ATRN: variants seen among roughly 807,000 people sequenced by gnomAD.
The protein encoded by ATRN is attractin-2.
ATRN carries 54 observed loss-of-function variants against 178.7 expected under a neutral mutation model. The ratio of observed to expected loss-of-function variants is 0.30; its 90% CI spans 0.24 to 0.38. The LOEUF is 0.38. Among genes scored for constraint, ATRN ranks in the 10% least tolerant of loss-of-function variants. The pLI is 1.00. For synonymous variants in ATRN, 636 were observed against 663.0 expected, an observed-to-expected ratio of 0.96 and a Z score of 0.63; for missense variants, 1,443 against 1,815.1, an observed-to-expected ratio of 0.79 and a Z score of 3.73.
chr20:3,479,231 T>G (rs576754700), intron 1 of ATRN, among the ~76,000 whole-genome samples: 119 of 152,288 alleles, frequency 7.8e-4, no homozygotes, highest in African/African-American at 2.7e-3. Flanking sequence ...GCTAATTCAC[T>G]TCATAAATAT....
chr20:3,494,060 C>G (rs1221646741), intron 1 of ATRN, among the ~76,000 whole-genome samples: 1 of 152,124 alleles, frequency 6.6e-6, no homozygotes, highest in Non-Finnish European at 1.5e-5. Context: ...GATAAGTTTA[C>G]CACGGAGAAG....
intron 1 of ATRN, among the ~76,000 whole-genome samples, chr20:3,528,925 AC>A (rs1190560070): frequency 2.6e-5 from 4 of 151,702 alleles, no homozygotes. Flanking sequence ...CAATCCTTCT[AC>A]CTTAACCTCC....
At chr20:3,572,697 C>T (rs373401838) in intron 11 of ATRN, 34 bp from the exon 12 acceptor site, 79 of 1,551,246 alleles carry the variant, frequency 5.1e-5, no homozygotes, top group Non-Finnish European at 6.8e-5. Context: ...ATCTGAGTCT[C>T]TAGTAAATTT....
At position 3,572,785 on chromosome 20, in the gene ATRN, A is replaced by G; in HGVS notation, c.1926A>G (p.Val642=). 1 of 1,613,776 alleles carries G rather than the reference A, an allele frequency of 6.2e-7. No homozygotes were observed. The highest frequency in any genetic ancestry group is 8.5e-7 in the Non-Finnish European group (1 of 1,180,018). Reference sequence around the variant, plus strand: ...GTCTCCTCCTCAGCGACATCCTGGTATTCACCTCGGAACAGTGTGATGCGC... The same window carrying G: ...GTCTCCTCCTCAGCGACATCCTGGTGTTCACCTCGGAACAGTGTGATGCGC... The part of the protein sequence containing the change: ...FNSLLLSDIL[V]FTSEQCDAHR... The change falls in exon 12 of 29, where the codon GTA becomes GTG. Residue 642 remains valine (V), a synonymous_variant. Coordinates refer to ENST00000262919, the MANE Select transcript of ATRN (RefSeq NM_139321.3).
At chr20:3,567,602 A>C (rs552845330) in intron 11 of ATRN, among the ~76,000 whole-genome samples, 1 of 152,324 alleles carries the variant, frequency 6.6e-6, no homozygotes, top group South Asian at 2.1e-4. Flanking sequence ...CTAAAAGGCC[A>C]TAGTTTTGGT....
intron 2 of ATRN, among the ~76,000 whole-genome samples, chr20:3,535,626 C>CACACACACACACACACACACACACAT (rs1491226542): frequency 2.3e-4 from 27 of 115,912 alleles, no homozygotes; most frequent in Non-Finnish European, 4.5e-4. Context: ...CACACACACA[C>CACACACACACACACACACACACACAT]ATATATATTT....
chr20:3,620,355 T>G (rs2086887715), intron 24 of ATRN, among the ~76,000 whole-genome samples: 1 of 152,180 alleles, frequency 6.6e-6, no homozygotes, highest in African/African-American at 2.4e-5. Flanking sequence ...TGAGCAATTC[T>G]TGTGCCTCAG....
chr20:3,648,858 G>A lies in ATRN; in HGVS notation c.*2011G>A, dbSNP rs1221169427. 6.6e-6 allele frequency: 1 copy of A among 152,146 alleles called. No individual in the cohort carries two copies. Among genetic ancestry groups the A allele is most frequent in the African/African-American group, 2.4e-5 (1 of 41,420 alleles). 9.4% of individuals were successfully genotyped at this position (152,146 alleles called of 1,614,324 possible). A position where few individuals can be genotyped will look rare whatever the true frequency, so the allele number is the denominator to read the frequency against. ...ACAGGCCCCCCCAGCAAGGCCAAAG[G>A]GAGGCCCCTGGGTATTGTCCTCCTA... On this transcript the variant is annotated 3_prime_UTR_variant, in exon 29 of 29. Transcript: ENST00000262919.
chr20:3,494,895 T>G (rs1427428592), intron 1 of ATRN, among the ~76,000 whole-genome samples: 1 of 152,058 alleles, frequency 6.6e-6, no homozygotes, highest in Non-Finnish European at 1.5e-5. Flanking sequence ...GTCCATTGCT[T>G]TTATTGAGTC....
rs778397418 is a variant in ATRN at position 3,624,502 on chromosome 20, C to G, written c.3802-9C>G. On this transcript the variant is annotated splice_polypyrimidine_tract_variant and intron_variant, in intron 24 of 28. Transcript: ENST00000262919. ...CTGCATAATCACACTACCTGTTTTT[C>G]TGTCACAGATTGCCTTCTCTCAGCA... 1 of 1,612,050 alleles carries G rather than the reference C, an allele frequency of 6.2e-7. No homozygotes were observed. The highest frequency in any genetic ancestry group is 2.2e-5 in the East Asian group (1 of 44,868).
In ATRN at chr20:3,644,139, G is replaced by C. The variant is rs374955602; in HGVS notation, c.4051-15G>C. On this transcript the variant is annotated splice_polypyrimidine_tract_variant and intron_variant, in intron 27 of 28. Transcript: ENST00000262919. ...CTTGAGTATCACTTAAGGTAATTTT[G>C]TTTTCTTCTGCCAGACTGTTCCCAA... 3.1e-6 allele frequency: 5 copies of C among 1,590,292 alleles called. No homozygotes were observed. The highest frequency in any genetic ancestry group is 4.3e-6 in the Non-Finnish European group (5 of 1,158,256).
intron 22 of ATRN, 60 bp from the exon 23 acceptor site, chr20:3,600,886 T>C: frequency 6.8e-7 from 1 of 1,461,830 alleles, no homozygotes; most frequent in Non-Finnish European, 9.5e-7. Flanking sequence ...CTTTATTGCT[T>C]TATTTTAAAA....
At chr20:3,624,620 A>C (rs750757158) in intron 25 of ATRN, 48 bp downstream of exon 25, 1 of 1,407,878 alleles carries the variant, frequency 7.1e-7, no homozygotes, top group South Asian at 1.2e-5. Flanking sequence ...TTTAGGCACT[A>C]GATCCATTAA....
At chr20:3,500,803 T>G (rs1471885160) in intron 1 of ATRN, among the ~76,000 whole-genome samples, 1 of 151,804 alleles carries the variant, frequency 6.6e-6, no homozygotes, top group Non-Finnish European at 1.5e-5. Context: ...AACTTGCACA[T>G]TGTGCACATG....
chr20:3,590,296 A>C (rs2086422077), intron 18 of ATRN, among the ~76,000 whole-genome samples: 1 of 152,192 alleles, frequency 6.6e-6, no homozygotes, highest in African/African-American at 2.4e-5. Flanking sequence ...CATAAACAGA[A>C]CAAGTACAAG....
At chr20:3,574,669 A>G (rs1262947883) in intron 12 of ATRN, among the ~76,000 whole-genome samples, 1 of 152,264 alleles carries the variant, frequency 6.6e-6, no homozygotes, top group African/African-American at 2.4e-5. Context: ...ACCAAATTTT[A>G]AAAGTTCAAA....
intron 1 of ATRN, among the ~76,000 whole-genome samples, chr20:3,508,205 A>G (rs2085074312): frequency 6.6e-6 from 1 of 151,600 alleles, no homozygotes; most frequent in African/African-American, 2.4e-5. Context: ...TTATTTTCTT[A>G]TTAAAAAAAA....
At chr20:3,532,890 G>A (rs1332920343) in intron 1 of ATRN, among the ~76,000 whole-genome samples, 1 of 152,114 alleles carries the variant, frequency 6.6e-6, no homozygotes, top group Admixed American at 6.5e-5. Flanking sequence ...AACCTCCCGA[G>A]TAGCTGGGAC....
At chr20:3,477,859 C>A (rs886451793) in intron 1 of ATRN, among the ~76,000 whole-genome samples, 1 of 152,220 alleles carries the variant, frequency 6.6e-6, no homozygotes, top group East Asian at 1.9e-4. Context: ...TTATATTGCT[C>A]CTGAACTTCT....
Sources: gnomAD v4.1 joint callset for allele counts (sites outside exome capture counted in the v4.1 genomes callset) on GRCh38, gnomAD v4.1.1 for gene constraint, MANE v1.5 for transcripts, NCBI Gene and HGNC (gene_info 2026-07-23, HGNC 2026-07-21) for gene names.